The following ATRNL1 variants were observed in gnomAD, a reference collection of about 807,000 sequenced individuals.
ATRNL1 encodes the protein attractin-like protein 1.
A neutral mutation model predicts 182.7 loss-of-function variants in ATRNL1; 95 were observed. The ratio of observed to expected loss-of-function variants is 0.52; its 90% CI spans 0.44 to 0.62. The LOEUF (loss-of-function observed/expected upper bound fraction) is 0.62. Ranked by LOEUF, ATRNL1 falls within the 20% of genes least tolerant of loss-of-function variation. ATRNL1 has a pLI of 0.00. For synonymous variants in ATRNL1, 576 were observed against 568.3 expected, an observed-to-expected ratio of 1.01 and a Z score of -0.19; for missense variants, 1,471 against 1,679.5, an observed-to-expected ratio of 0.88 and a Z score of 2.17.
At chr10:115,259,291 G>A (rs973704061) in intron 10 of ATRNL1, among the ~76,000 whole-genome samples, 1 of 152,272 alleles carries the variant, frequency 6.6e-6, no homozygotes, top group East Asian at 1.9e-4. Context: ...TAAGCTTCCT[G>A]GCCGCTTTGT....
At chr10:115,406,066 C>T (rs1180769171) in intron 20 of ATRNL1, among the ~76,000 whole-genome samples, 2 of 151,898 alleles carry the variant, frequency 1.3e-5, no homozygotes, top group Non-Finnish European at 2.9e-5. Flanking sequence ...TGTATATGTG[C>T]CACATTTTCT....
intron 10 of ATRNL1, among the ~76,000 whole-genome samples, chr10:115,263,335 A>G (rs1170892806): frequency 4.0e-5 from 6 of 151,810 alleles, no homozygotes; most frequent in African/African-American, 1.4e-4. Context: ...TGGCTATGAT[A>G]AAAAAACAGA....
chr10:115,252,049 C>G (rs551268389), intron 10 of ATRNL1, among the ~76,000 whole-genome samples: 3 of 152,110 alleles, frequency 2.0e-5, no homozygotes, highest in African/African-American at 7.2e-5. Flanking sequence ...TGTTTTGAGA[C>G]AGAGCCTTGC....
chr10:115,470,270 A>G (rs1029463980), intron 24 of ATRNL1, among the ~76,000 whole-genome samples: 3 of 150,444 alleles, frequency 2.0e-5, no homozygotes, highest in African/African-American at 7.3e-5. Flanking sequence ...CACTTAAATT[A>G]TGGAAATTAT....
At chr10:115,747,167 C>T (rs1948316013) in intron 27 of ATRNL1, among the ~76,000 whole-genome samples, 3 of 152,104 alleles carry the variant, frequency 2.0e-5, no homozygotes, top group African/African-American at 7.2e-5. Context: ...ATACAGCCTG[C>T]AGCCTTTTCT....
At chr10:115,365,681 C>T (rs1388453723) in intron 19 of ATRNL1, among the ~76,000 whole-genome samples, 2 of 151,732 alleles carry the variant, frequency 1.3e-5, no homozygotes, top group Non-Finnish European at 2.9e-5. Context: ...TCCCTCTACA[C>T]ACTGCTTTGA....
At chr10:115,426,338 G>A (rs1199190953) in intron 21 of ATRNL1, 36 bp downstream of exon 21, 7 of 1,448,680 alleles carry the variant, frequency 4.8e-6, no homozygotes, top group Non-Finnish European at 6.7e-6. Context: ...TAAATAATTG[G>A]TGCATACTAT....
At chr10:115,184,802 A>G (rs1211259164) in intron 8 of ATRNL1, among the ~76,000 whole-genome samples, 1 of 151,962 alleles carries the variant, frequency 6.6e-6, no homozygotes, top group Non-Finnish European at 1.5e-5. Flanking sequence ...TCAAATGAAT[A>G]GGATAATCAT....
chr10:115,159,963 C>T (rs1554882827), intron 5 of ATRNL1, 77 bp from the exon 6 acceptor site: 3 of 1,078,854 alleles, frequency 2.8e-6, no homozygotes, highest in South Asian at 2.1e-5. Context: ...CTTAAATTCT[C>T]TTAATCCATA....
chr10:115,432,310 T>C (rs1300809853), intron 21 of ATRNL1, among the ~76,000 whole-genome samples: 2 of 152,158 alleles, frequency 1.3e-5, no homozygotes, highest in Non-Finnish European at 2.9e-5. Flanking sequence ...ATATGGCTAG[T>C]GGTGACCTTA....
intron 24 of ATRNL1, among the ~76,000 whole-genome samples, chr10:115,501,246 T>C (rs1270303234): frequency 6.6e-6 from 1 of 152,136 alleles, no homozygotes; most frequent in African/African-American, 2.4e-5. Flanking sequence ...GGTGAGACTT[T>C]TTTAAAGCTG....
At chr10:115,121,916 A>T (rs1397342313) in intron 3 of ATRNL1, 104 bp downstream of exon 3, 1 of 518,406 alleles carries the variant, frequency 1.9e-6, no homozygotes, top group Non-Finnish European at 3.4e-6. Context: ...AGATATTGAT[A>T]GTTACATTTC....
intron 26 of ATRNL1, among the ~76,000 whole-genome samples, chr10:115,586,369 TC>T: frequency 1.0e-5 from 1 of 97,622 alleles, no homozygotes; most frequent in African/African-American, 3.0e-5. Flanking sequence ...GGTTCCATTC[TC>T]CCCGTCACTT....
intron 26 of ATRNL1, among the ~76,000 whole-genome samples, chr10:115,646,888 C>T (rs1195207199): frequency 1.3e-5 from 2 of 151,056 alleles, no homozygotes; most frequent in African/African-American, 4.9e-5. Context: ...TGGTGTGCTG[C>T]ACCCATTAAC....
intron 26 of ATRNL1, among the ~76,000 whole-genome samples, chr10:115,664,563 A>G (rs1292024993): frequency 6.6e-6 from 1 of 152,132 alleles, no homozygotes; most frequent in Non-Finnish European, 1.5e-5. Flanking sequence ...AAACAATTAA[A>G]TGTTTTGCAA....
At chr10:115,177,903 GTTTTTTTTGTTT>G (rs1441133135) in intron 8 of ATRNL1, among the ~76,000 whole-genome samples, 40 of 102,080 alleles carry the variant, frequency 3.9e-4, no homozygotes, top group African/African-American at 7.3e-4. Context: ...TTGTTTTTTT[GTTTTTTTTGTTT>G]TTTTTTTTGT....
chr10:115,397,066 T>C (rs183790875), intron 20 of ATRNL1, among the ~76,000 whole-genome samples: 3 of 151,994 alleles, frequency 2.0e-5, no homozygotes. Flanking sequence ...CTTTTGAGTA[T>C]GGAGCAATAA....
At chr10:115,549,373 T>C in intron 25 of ATRNL1, 85 bp from the exon 26 acceptor site, 3 of 761,320 alleles carry the variant, frequency 3.9e-6, no homozygotes, top group Non-Finnish European at 6.0e-6. Context: ...TATATATATA[T>C]GTATTTGAGT....
At chr10:115,672,950 G>T (rs74158239) in intron 26 of ATRNL1, among the ~76,000 whole-genome samples, 1,625 of 152,142 alleles carry the variant, frequency 0.011, 30 homozygotes, top group African/African-American at 0.037. Flanking sequence ...TAGCAACTTA[G>T]TTCATTGCCA....
Sources: allele counts gnomAD v4.1 joint callset (sites outside exome capture counted in the v4.1 genomes callset), GRCh38; gene constraint gnomAD v4.1.1; transcripts MANE v1.5; gene names NCBI Gene and HGNC (gene_info 2026-07-23, HGNC 2026-07-21).